Variants in CAPZB observed in about 807,000 individuals in gnomAD.
CAPZB encodes the protein F-actin-capping protein subunit beta.
Under a neutral mutation model 38.1 loss-of-function variants are expected in CAPZB, and 2 were observed. The ratio of observed to expected loss-of-function variants is 0.05; its 90% CI spans 0.02 to 0.17. The LOEUF (loss-of-function observed/expected upper bound fraction) is 0.17, where lower values mean the gene tolerates loss of function less well. CAPZB is among the 10% of genes least tolerant of loss of function. The probability of loss-of-function intolerance (pLI) is 1.00; values close to 1 mark genes in which losing one functional copy is unlikely to be tolerated. For missense variants in CAPZB, 161 were observed against 334.2 expected (o/e 0.48, Z 4.04); for synonymous variants, 107 against 127.4 (o/e 0.84, Z 1.08).
In CAPZB at chr1:19,378,983, A is replaced by C. The variant is rs12044573; in HGVS notation, c.216-330T>G. Among the ~76,000 whole-genome samples the C allele has an allele frequency of 5.4e-4, 82 of 152,264 alleles. 4 individuals are homozygous for C. In the East Asian group the frequency reaches 0.011, roughly 21 times the overall value. On this transcript the variant is annotated intron_variant, in intron 3 of 8. Coordinates refer to ENST00000264202, the MANE Select transcript of CAPZB (RefSeq NM_004930.5). Reference sequence around the variant, plus strand: ...GCACACAGGGTCGTCATGAGAAATGAGACAAGCAGATCAAGCGCCCAGCCC... The same window carrying C: ...GCACACAGGGTCGTCATGAGAAATGCGACAAGCAGATCAAGCGCCCAGCCC...
chr1:19,473,952 T>C (rs2094598328), intron 1 of CAPZB, among the ~76,000 whole-genome samples: 1 of 152,116 alleles, frequency 6.6e-6, no homozygotes, highest in South Asian at 2.1e-4. Context: ...CACAAGCCTG[T>C]ATTAAATGTC....
At chr1:19,458,892 G>GA (rs142564644) in intron 1 of CAPZB, among the ~76,000 whole-genome samples, 1 of 152,328 alleles carries the variant, frequency 6.6e-6, no homozygotes, top group East Asian at 1.9e-4. Context: ...GCCCAATTCT[G>GA]AAAAATGCAG....
chr1:19,438,218 T>C (rs1442318488), intron 1 of CAPZB, among the ~76,000 whole-genome samples: 1 of 152,008 alleles, frequency 6.6e-6, no homozygotes, highest in Non-Finnish European at 1.5e-5. Context: ...GCTGGAAAAC[T>C]AGGGAGTGCG....
intron 1 of CAPZB, among the ~76,000 whole-genome samples, chr1:19,441,678 G>GAAAA (rs370513735): frequency 7.4e-6 from 1 of 134,502 alleles, no homozygotes. Context: ...GGCAGACAGA[G>GAAAA]AAAAAAAAAA....
At chr1:19,339,674 A>T in intron 8 of CAPZB, 57 bp from the exon 9 acceptor site, 6 of 1,308,778 alleles carry the variant, frequency 4.6e-6, no homozygotes, top group Non-Finnish European at 6.7e-6. Context: ...GAGGCGGTGG[A>T]GGCCTGGGGG....
intron 2 of CAPZB, among the ~76,000 whole-genome samples, chr1:19,394,275 C>T (rs754607573): frequency 2.0e-5 from 3 of 152,194 alleles, no homozygotes; most frequent in Non-Finnish European, 4.4e-5. Flanking sequence ...CATGAGCCAC[C>T]GCGCCTGGCC....
intron 1 of CAPZB, among the ~76,000 whole-genome samples, chr1:19,436,815 A>G (rs1190745616): frequency 6.6e-6 from 1 of 152,274 alleles, no homozygotes; most frequent in Non-Finnish European, 1.5e-5. Context: ...AAAGAGGAAG[A>G]AACAAGAAAG....
At chr1:19,398,134 T>A (rs902569403) in intron 2 of CAPZB, among the ~76,000 whole-genome samples, 1 of 152,144 alleles carries the variant, frequency 6.6e-6, no homozygotes, top group Non-Finnish European at 1.5e-5. Flanking sequence ...TCTGAAAGCC[T>A]GTGAAACACC....
intron 2 of CAPZB, among the ~76,000 whole-genome samples, chr1:19,417,902 C>T (rs1023138711): frequency 2.0e-5 from 3 of 151,794 alleles, no homozygotes; most frequent in African/African-American, 4.8e-5. Flanking sequence ...TTTGGGAGGC[C>T]GAGACAGGCA....
chr1:19,485,078 G>A (rs1164938927), intron 1 of CAPZB, among the ~76,000 whole-genome samples: 1 of 152,196 alleles, frequency 6.6e-6, no homozygotes, highest in Non-Finnish European at 1.5e-5. Context: ...CTAGACCGGG[G>A]GAGGAAGGGG....
chr1:19,446,382 A>G (rs1371676501), intron 1 of CAPZB, among the ~76,000 whole-genome samples: 1 of 152,252 alleles, frequency 6.6e-6, no homozygotes, highest in African/African-American at 2.4e-5. Context: ...TATGACAGTG[A>G]GCCATGTAAG....
At chr1:19,411,645 T>C (rs1195523144) in intron 2 of CAPZB, among the ~76,000 whole-genome samples, 2 of 151,912 alleles carry the variant, frequency 1.3e-5, no homozygotes, top group Non-Finnish European at 2.9e-5. Context: ...GGATTGCCTT[T>C]ACAGAAGGCA....
intron 2 of CAPZB, among the ~76,000 whole-genome samples, 198 bp downstream of exon 2, chr1:19,419,463 C>G (rs1277075565): frequency 6.6e-6 from 1 of 152,216 alleles, no homozygotes; most frequent in Non-Finnish European, 1.5e-5. Context: ...GCTTCAACAA[C>G]ACAGATGGTT....
At chr1:19,387,556 C>T (rs1178051388) in intron 2 of CAPZB, among the ~76,000 whole-genome samples, 2 of 152,212 alleles carry the variant, frequency 1.3e-5, no homozygotes, top group Non-Finnish European at 2.9e-5. Flanking sequence ...GCTGCCTTGG[C>T]TTATCTGTTG....
chr1:19,348,988 G>A (rs911764203), intron 6 of CAPZB, among the ~76,000 whole-genome samples: 5 of 152,114 alleles, frequency 3.3e-5, no homozygotes, highest in African/African-American at 1.2e-4. Flanking sequence ...GACCCCAGGG[G>A]GTCTCCATAA....
At chr1:19,344,472 A>G (rs1447681376) in intron 7 of CAPZB, 38 bp from the exon 8 acceptor site, 1 of 1,495,598 alleles carries the variant, frequency 6.7e-7, no homozygotes, top group Admixed American at 1.7e-5. Context: ...GCAAAAGGTC[A>G]GGAACCCTGA....
intron 2 of CAPZB, among the ~76,000 whole-genome samples, chr1:19,386,023 G>A (rs1335121871): frequency 2.6e-5 from 4 of 152,174 alleles, no homozygotes; most frequent in Non-Finnish European, 5.9e-5. Context: ...AAAGAACTCG[G>A]AGTAGAAAAA....
chr1:19,443,140 A>C (rs551042485), intron 1 of CAPZB, among the ~76,000 whole-genome samples: 1 of 152,146 alleles, frequency 6.6e-6, no homozygotes, highest in East Asian at 1.9e-4. Context: ...TAATCACAGC[A>C]CTTTGTGAGG....
chr1:19,348,803 T>G (rs1449221531), intron 6 of CAPZB, among the ~76,000 whole-genome samples: 1 of 151,240 alleles, frequency 6.6e-6, no homozygotes, highest in Non-Finnish European at 1.5e-5. Context: ...CAGAACCTGC[T>G]GCCTCCCAAG....
Sources: gnomAD v4.1 joint callset for allele counts (sites outside exome capture counted in the v4.1 genomes callset) on GRCh38, gnomAD v4.1.1 for gene constraint, MANE v1.5 for transcripts, NCBI Gene and HGNC (gene_info 2026-07-23, HGNC 2026-07-21) for gene names.